Variants in DIS3L observed in about 807,000 individuals in gnomAD.
DIS3L encodes the protein DIS3 like exosome 3'-5' exoribonuclease.
In DIS3L, 100 loss-of-function variants were observed where a neutral mutation model predicts 120.3. That is an observed-to-expected ratio of 0.83 (90% CI 0.71 to 0.98). The LOEUF (loss-of-function observed/expected upper bound fraction) is 0.98, where lower values mean the gene tolerates loss of function less well. Among genes scored for constraint, DIS3L ranks in the 50% least tolerant of loss-of-function variants. DIS3L has a pLI of 0.00. For missense variants in DIS3L, 1,196 were observed against 1,314.2 expected, an observed-to-expected ratio of 0.91 and a Z score of 1.39; for synonymous variants, 426 against 470.6, an observed-to-expected ratio of 0.91 and a Z score of 1.23.
intron 2 of DIS3L, among the ~76,000 whole-genome samples, chr15:66,297,404 A>C (rs1277546038): frequency 6.6e-6 from 1 of 152,264 alleles, no homozygotes; most frequent in South Asian, 2.1e-4. Context: ...CAATCTGTGC[A>C]ACATAGTGAG....
At chr15:66,304,577 T>C (rs1181596521) in intron 2 of DIS3L, among the ~76,000 whole-genome samples, 1 of 152,208 alleles carries the variant, frequency 6.6e-6, no homozygotes, top group Non-Finnish European at 1.5e-5. Flanking sequence ...CTGCCCTTCA[T>C]AGAAATGAAA....
At chr15:66,303,517 T>C (rs1469202938) in intron 2 of DIS3L, among the ~76,000 whole-genome samples, 9 of 152,200 alleles carry the variant, frequency 5.9e-5, no homozygotes, top group Non-Finnish European at 2.9e-5. Flanking sequence ...TGAAGGATGC[T>C]TAGCAAGAGA....
Position 66,315,069 on chromosome 15 carries a change from A to G in DIS3L, c.848A>G (p.Lys283Arg). The G allele has an allele frequency of 6.2e-7, 1 of 1,614,100 alleles. No individual in the cohort carries two copies. The highest frequency in any genetic ancestry group is 8.5e-7 in the Non-Finnish European group (1 of 1,179,976). ...LVSDILIHGM[K>R]ARNRSIHGDV... ...AGTGACATCCTAATCCACGGGATGAAGGCTCGAAACCGCTCAATTCATGGA... is the reference window on the plus strand; with the variant it reads ...AGTGACATCCTAATCCACGGGATGAGGGCTCGAAACCGCTCAATTCATGGA... The change falls in exon 7 of 17, where the codon AAG (lysine) becomes AGG (arginine). Residue 283 changes from lysine to arginine, a missense_variant. Transcript: ENST00000319212.
rs936969873 is a variant in DIS3L, at chr15:66,330,292, G to A, written c.2535+893G>A. 6 of 984,158 alleles carry A rather than the reference G, an allele frequency of 6.1e-6. No individual in the cohort carries two copies. The South Asian group carries it at 1.4e-4, about 23-fold the overall frequency. 61.0% of individuals were successfully genotyped at this position (984,158 alleles called of 1,614,324 possible). On this transcript the variant is annotated intron_variant, in intron 14 of 16. Transcript: ENST00000319212. ...GGCCTGGGTGACAGAGCGAAACTCCGTCTAAAAAAAAAAAATCACACCGTG... is the reference window on the plus strand; with the variant it reads ...GGCCTGGGTGACAGAGCGAAACTCCATCTAAAAAAAAAAAATCACACCGTG...
chr15:66,314,310 A>T (rs1039829623), intron 6 of DIS3L, among the ~76,000 whole-genome samples, 193 bp downstream of exon 6: 2 of 152,156 alleles, frequency 1.3e-5, no homozygotes, highest in African/African-American at 2.4e-5. Flanking sequence ...TATTGCAATA[A>T]ATTTAAACTA....
intron 13 of DIS3L, 40 bp from the exon 14 acceptor site, chr15:66,329,179 AAT>A (rs1182920323): frequency 1.9e-6 from 3 of 1,587,342 alleles, no homozygotes; most frequent in African/African-American, 2.7e-5. Flanking sequence ...GTTATTTTAA[AAT>A]AGTTTTTGTT....
intron 5 of DIS3L, 143 bp downstream of exon 5, chr15:66,312,043 GA>G: frequency 2.0e-6 from 2 of 995,484 alleles, no homozygotes; most frequent in South Asian, 1.7e-5. Flanking sequence ...CCTGTCTCTA[GA>G]AAAAATTTAA....
intron 2 of DIS3L, among the ~76,000 whole-genome samples, chr15:66,298,492 C>T (rs1209868637): frequency 1.3e-5 from 2 of 152,164 alleles, no homozygotes; most frequent in African/African-American, 4.8e-5. Flanking sequence ...CATTATTCAA[C>T]GTGACAGATA....
intron 2 of DIS3L, among the ~76,000 whole-genome samples, chr15:66,299,750 A>G (rs1016720240): frequency 6.6e-6 from 1 of 152,194 alleles, no homozygotes; most frequent in Non-Finnish European, 1.5e-5. Context: ...ACATGTCAAC[A>G]TTGAAACTAA....
chr15:66,323,456 G>A, intron 10 of DIS3L, 37 bp from the exon 11 acceptor site: 1 of 1,609,354 alleles, frequency 6.2e-7, no homozygotes, highest in East Asian at 2.2e-5. Context: ...GCTTCTCCCT[G>A]CTAAAGGTCG....
At chr15:66,324,995 AT>A (rs2092921334) in intron 11 of DIS3L, among the ~76,000 whole-genome samples, 1 of 152,122 alleles carries the variant, frequency 6.6e-6, no homozygotes, top group Non-Finnish European at 1.5e-5. Context: ...TGTCATCAAG[AT>A]TGATATCACA....
intron 2 of DIS3L, 130 bp from the exon 3 acceptor site, chr15:66,306,694 A>G (rs897124211): frequency 7.7e-7 from 1 of 1,300,540 alleles, no homozygotes; most frequent in Non-Finnish European, 1.1e-6. Flanking sequence ...CAATATAAAT[A>G]CATGTTCTTC....
At chr15:66,312,210 A>T (rs1299302900) in intron 5 of DIS3L, among the ~76,000 whole-genome samples, 1 of 132,814 alleles carries the variant, frequency 7.5e-6, no homozygotes, top group Non-Finnish European at 1.6e-5. Context: ...TGTCTCAATT[A>T]AAAAAAAAAA....
intron 5 of DIS3L, among the ~76,000 whole-genome samples, chr15:66,313,369 C>A (rs551973061): frequency 6.6e-6 from 1 of 152,278 alleles, no homozygotes; most frequent in African/African-American, 2.4e-5. Flanking sequence ...CTGGTACTTT[C>A]AGCACTTTGT....
rs1263670835 is a variant in DIS3L at position 66,293,646 on chromosome 15, G to A, written c.50G>A (p.Arg17His). 4.9e-6 allele frequency: 7 copies of A among 1,438,454 alleles called. No individual in the cohort carries two copies. The highest frequency in any genetic ancestry group is 2.6e-5 in the South Asian group (2 of 75,770). 89.1% of individuals were successfully genotyped at this position (1,438,454 alleles called of 1,614,324 possible). A position where few individuals can be genotyped will look rare whatever the true frequency, so the allele number is the denominator to read the frequency against. ...CTGCTGCTGAGGACCTTCCAGGGCC[G>A]CACGCTGCGGATCGTGCGCGAGCAC... ...KVLLLRTFQG[R>H]TLRIVREHYL... The change falls in exon 1 of 17, where the codon CGC becomes CAC. Residue 17 changes from arginine (R) to histidine (H), a missense_variant. Physicochemically the swap from Arg to His is conservative, Grantham distance 29. Coordinates refer to ENST00000319212, the MANE Select transcript of DIS3L (RefSeq NM_001143688.3).
At chr15:66,307,184 G>T (rs78629172) in intron 3 of DIS3L, among the ~76,000 whole-genome samples, 3,487 of 152,310 alleles carry the variant, frequency 0.023, 90 homozygotes, top group Admixed American at 0.066. Flanking sequence ...CCCAGAATAT[G>T]TTTGCCCCAG....
At chr15:66,317,187 AT>A (rs71139481) in intron 7 of DIS3L, among the ~76,000 whole-genome samples, 9,545 of 142,410 alleles carry the variant, frequency 0.067, 356 homozygotes, top group Non-Finnish European at 0.092. Context: ...ACAACTTCAC[AT>A]TTTTTTTTTT....
At chr15:66,308,968 G>GGC (rs35229344) in intron 4 of DIS3L, 124 bp downstream of exon 4, 74,483 of 1,093,292 alleles carry the variant, frequency 0.068, 3,057 homozygotes, top group Admixed American at 0.081. Flanking sequence ...ATTTTGGCCA[G>GGC]GCGTGGTGGC....
At chr15:66,327,005 C>A (rs752159738) in intron 12 of DIS3L, among the ~76,000 whole-genome samples, 11 of 151,928 alleles carry the variant, frequency 7.2e-5, no homozygotes, top group Non-Finnish European at 1.6e-4. Context: ...TCTTGGCTCA[C>A]TGCAACCTCC....
Sources: allele counts gnomAD v4.1 joint callset (sites outside exome capture counted in the v4.1 genomes callset), GRCh38; gene constraint gnomAD v4.1.1; transcripts MANE v1.5; gene names NCBI Gene and HGNC (gene_info 2026-07-23, HGNC 2026-07-21).